Variants in PCDHGB1 observed in about 807,000 individuals in gnomAD.
PCDHGB1 encodes protocadherin gamma subfamily B, 1, also known as protocadherin gamma-B1.
A neutral mutation model predicts 56.6 loss-of-function variants in PCDHGB1; 34 were observed. The observed-to-expected ratio is 0.60, with a 90% CI of 0.46 to 0.80. The LOEUF is 0.80. PCDHGB1 is among the 30% of genes least tolerant of loss of function. PCDHGB1 has a pLI of 0.00. For missense variants in PCDHGB1, 1,278 were observed against 1,204.6 expected (o/e 1.06, Z -0.90); for synonymous variants, 561 against 505.9 (o/e 1.11, Z -1.46).
chr5:141,410,142 G>A (rs2095361095), intron 1 of PCDHGB1: 3 of 1,612,612 alleles, frequency 1.9e-6, no homozygotes, highest in East Asian at 2.2e-5. Context: ...GTCGCTGTGC[G>A]TGACGGTGGA....
At chr5:141,437,529 C>T (rs1205365959) in intron 1 of PCDHGB1, among the ~76,000 whole-genome samples, 1 of 152,102 alleles carries the variant, frequency 6.6e-6, no homozygotes, top group African/African-American at 2.4e-5. Flanking sequence ...GACAAATGAG[C>T]AAATTGTATC....
intron 1 of PCDHGB1, among the ~76,000 whole-genome samples, chr5:141,481,678 G>A (rs1033213047): frequency 6.6e-6 from 1 of 152,006 alleles, no homozygotes; most frequent in African/African-American, 2.4e-5. Flanking sequence ...ATCAGGCCGG[G>A]CCTGGTGGCT....
chr5:141,410,031 AG>A lies in PCDHGB1; in HGVS notation c.2409+57364del, dbSNP rs1303415196. ...GCCTGGCTGTCCTACCACGTGCTGCAGGCCAGTGAGCCCGGACTCTTCAGCC... is the reference window on the plus strand; with the variant it reads ...GCCTGGCTGTCCTACCACGTGCTGCAGCCAGTGAGCCCGGACTCTTCAGCC... On this transcript the variant is annotated intron_variant, in intron 1 of 3. Coordinates refer to ENST00000523390, the MANE Select transcript of PCDHGB1 (RefSeq NM_018922.3). 3.1e-6 allele frequency: 5 copies of A among 1,613,236 alleles called. No homozygotes were observed. In the South Asian group the frequency reaches 5.5e-5, roughly 18 times the overall value.
At chr5:141,356,117 G>A (rs1012623543) in intron 1 of PCDHGB1, 2 of 1,613,752 alleles carry the variant, frequency 1.2e-6, no homozygotes, top group Non-Finnish European at 1.7e-6. Flanking sequence ...ATATTGGGGG[G>A]TCTAGATTAT....
At chr5:141,418,278 T>C (rs2096243624) in intron 1 of PCDHGB1, 1 of 1,613,954 alleles carries the variant, frequency 6.2e-7, no homozygotes, top group East Asian at 2.2e-5. Context: ...GAAATAAACT[T>C]AGAAATCAGT....
chr5:141,350,332 C>G lies in PCDHGB1; in HGVS notation c.72C>G (p.Cys24Trp). ...TTCCCTTCCTGCTGTCTTTGTTCTG[C>G]GGGGCCATCTCCCAGCAGATCCGAT... ...VLFPFLLSLF[C>W]GAISQQIRYT... The change falls in exon 1 of 4, where the codon TGC becomes TGG. Residue 24 changes from cysteine to tryptophan, a missense_variant. Coordinates refer to ENST00000523390, the MANE Select transcript of PCDHGB1 (RefSeq NM_018922.3). 1 of 1,537,558 alleles carries G rather than the reference C, an allele frequency of 6.5e-7. No individual in the cohort carries two copies. The highest frequency in any genetic ancestry group is 1.3e-5 in the South Asian group (1 of 77,038).
At chr5:141,508,604 A>G (rs2099870124) in intron 3 of PCDHGB1, among the ~76,000 whole-genome samples, 1 of 152,150 alleles carries the variant, frequency 6.6e-6, no homozygotes, top group African/African-American at 2.4e-5. Flanking sequence ...TCTTGGGTGC[A>G]CATAGGACGT....
rs1362252002 is a variant in PCDHGB1, at chr5:141,486,112, G to C, written c.2410-8695G>C. ...TGGGGCCCCTAGACTTTGAGAGTGA[G>C]AATTACTATGAATTTGATGTGCGGG... On this transcript the variant is annotated intron_variant, in intron 1 of 3. Coordinates refer to ENST00000523390, the MANE Select transcript of PCDHGB1 (RefSeq NM_018922.3). The surrounding 1 kb of genome is among the most constrained non-coding windows in gnomAD (Gnocchi z 5.0). 6 of 1,614,166 alleles carry C rather than the reference G, an allele frequency of 3.7e-6. No individual in the cohort carries two copies. The highest frequency in any genetic ancestry group is 1.7e-6 in the Non-Finnish European group (2 of 1,180,024).
At chr5:141,413,229 C>A in intron 1 of PCDHGB1, 1 of 1,613,914 alleles carries the variant, frequency 6.2e-7, no homozygotes, top group South Asian at 1.1e-5. Context: ...GCGGGCTGGT[C>A]CTGCTCTGCC....
intron 1 of PCDHGB1, chr5:141,374,540 C>G: frequency 6.2e-7 from 1 of 1,613,264 alleles, no homozygotes; most frequent in Non-Finnish European, 8.5e-7. Context: ...CTCTCGTTTT[C>G]CACTAATGGA....
Position 141,506,445 on chromosome 5 carries a change from A to T in PCDHGB1, c.2557+964A>T, listed in dbSNP as rs1018306383. 3.8e-3 allele frequency among the ~76,000 whole-genome samples: 112 copies of T among 29,226 alleles called. No individual in the cohort carries two copies. The Middle Eastern group carries it at 0.08, about 21-fold the overall frequency. The allele number at this position is 29,226 out of a possible 152,430, so 19.2% of individuals were successfully genotyped here. ...CTGGGCAACAGTCTCGCTCTGTCTC[A>T]AAAAAAAAAAAAAAAAAAAAGAGCA... On this transcript the variant is annotated intron_variant, in intron 3 of 3. Transcript: ENST00000523390.
chr5:141,357,700 A>G (rs1760703267), intron 1 of PCDHGB1: 1 of 1,495,926 alleles, frequency 6.7e-7, no homozygotes, highest in Non-Finnish European at 9.0e-7. Context: ...TTTTATATGT[A>G]ATATATCAAA....
chr5:141,394,613 G>A (rs1402834373), intron 1 of PCDHGB1: 1 of 1,613,570 alleles, frequency 6.2e-7, no homozygotes, highest in Admixed American at 1.7e-5. Context: ...ACTCGGGCCA[G>A]AACGCCTGGC....
chr5:141,441,665 A>C (rs994092543), intron 1 of PCDHGB1: 10 of 265,838 alleles, frequency 3.8e-5, no homozygotes, highest in African/African-American at 2.1e-4. Context: ...CCTTGAGCGC[A>C]CAGTGCGCCT....
intron 1 of PCDHGB1, chr5:141,392,764 C>G: frequency 6.8e-7 from 1 of 1,480,722 alleles, no homozygotes; most frequent in Non-Finnish European, 9.0e-7. Flanking sequence ...CTAAATAAGA[C>G]CCATTTATGC....
Position 141,476,217 on chromosome 5 carries a change from A to G in PCDHGB1, c.2410-18590A>G. On this transcript the variant is annotated intron_variant, in intron 1 of 3. Coordinates refer to ENST00000523390, the MANE Select transcript of PCDHGB1 (RefSeq NM_018922.3). This position sits in a 1 kb window ranked among gnomAD's most constrained non-coding sequence, Gnocchi z 7.6. ...TTGAACAAGGCTTCCACGGTCATTC[A>G]CTATGAGATCCCGGAGGAAAGAGAG... The G allele has an allele frequency of 6.2e-7, 1 of 1,613,836 alleles. No homozygotes were observed. The highest frequency in any genetic ancestry group is 2.2e-5 in the East Asian group (1 of 44,818).
intron 1 of PCDHGB1, chr5:141,422,304 A>G: frequency 6.5e-7 from 1 of 1,548,524 alleles, no homozygotes; most frequent in Non-Finnish European, 8.7e-7. Context: ...CAATTCTGGA[A>G]AACTCTCCTC....
chr5:141,361,638 T>G (rs756163399), intron 1 of PCDHGB1: 5 of 1,613,826 alleles, frequency 3.1e-6, no homozygotes, highest in East Asian at 2.2e-5. Context: ...CGCGGGAGAT[T>G]TTATCCTACG....
chr5:141,414,357 A>G, intron 1 of PCDHGB1: 3 of 1,613,888 alleles, frequency 1.9e-6, no homozygotes, highest in Non-Finnish European at 2.5e-6. Flanking sequence ...TGGCGTATCT[A>G]CCATTTAAAT....
Sources: gnomAD v4.1 joint callset for allele counts (sites outside exome capture counted in the v4.1 genomes callset) on GRCh38, gnomAD v4.1.1 for gene constraint, Gnocchi (gnomAD v3.1) non-coding constraint, MANE v1.5 for transcripts, NCBI Gene and HGNC (gene_info 2026-07-23, HGNC 2026-07-21) for gene names.